Variants in WDR93 observed in about 807,000 individuals in gnomAD.
The protein encoded by WDR93 is WD repeat domain 93.
A neutral mutation model predicts 82.9 loss-of-function variants in WDR93; 73 were observed. The ratio of observed to expected loss-of-function variants is 0.88; its 90% CI spans 0.73 to 1.07. The LOEUF (loss-of-function observed/expected upper bound fraction) is 1.07, where lower values mean the gene tolerates loss of function less well. Ranked by LOEUF, WDR93 falls within the 50% of genes least tolerant of loss-of-function variation. The pLI is 0.00. For synonymous variants in WDR93, 283 were observed against 300.1 expected, an observed-to-expected ratio of 0.94 and a Z score of 0.59; for missense variants, 738 against 826.0, an observed-to-expected ratio of 0.89 and a Z score of 1.31.
At chr15:89,729,141 G>C in intron 10 of WDR93, 48 bp downstream of exon 10, 1 of 1,543,756 alleles carries the variant, frequency 6.5e-7, no homozygotes, top group East Asian at 2.2e-5. Context: ...AGTCACCTTG[G>C]GGAAACCCCT....
Position 89,743,503 on chromosome 15 carries a change from A to G in WDR93, c.*112A>G. 4.9e-6 allele frequency: 5 copies of G among 1,014,276 alleles called. No individual in the cohort carries two copies. The highest frequency in any genetic ancestry group is 7.4e-6 in the Non-Finnish European group (5 of 678,224). The allele number at this position is 1,014,276 out of a possible 1,614,324, so 62.8% of individuals were successfully genotyped here. A position where few individuals can be genotyped will look rare whatever the true frequency, so the allele number is the denominator to read the frequency against. Reference sequence around the variant, plus strand: ...CAGAGCCACAGCTCCACAGGCCTGCACTCGGAGTCTGGGGCCTCTGCAGAG... The same window carrying G: ...CAGAGCCACAGCTCCACAGGCCTGCGCTCGGAGTCTGGGGCCTCTGCAGAG... On this transcript the variant is annotated 3_prime_UTR_variant, in exon 17 of 17. Transcript: ENST00000268130.
At chr15:89,705,871 AATCAGACCAACAT>A (rs1965704274) in intron 4 of WDR93, among the ~76,000 whole-genome samples, 1 of 152,186 alleles carries the variant, frequency 6.6e-6, no homozygotes, top group South Asian at 2.1e-4. Context: ...TTCTTTTGAG[AATCAGACCAACAT>A]ATCTAATAAG....
chr15:89,740,721 C>G (rs571147208), intron 16 of WDR93, among the ~76,000 whole-genome samples: 2 of 152,130 alleles, frequency 1.3e-5, no homozygotes, highest in East Asian at 3.9e-4. Context: ...AGGCTGGTCT[C>G]GAACTACTGA....
chr15:89,738,015 A>T, intron 15 of WDR93, 26 bp from the exon 16 acceptor site: 9 of 1,587,470 alleles, frequency 5.7e-6, no homozygotes, highest in Non-Finnish European at 6.9e-6. Flanking sequence ...TGTTACACAG[A>T]ACATGGTGTT....
intron 1 of WDR93, among the ~76,000 whole-genome samples, chr15:89,692,849 C>A (rs1596057659): frequency 6.6e-6 from 1 of 152,252 alleles, no homozygotes; most frequent in Middle Eastern, 3.4e-3. Flanking sequence ...CTCAGGTGAT[C>A]CACCTACCTC....
At chr15:89,735,583 C>G (rs952985804) in intron 14 of WDR93, 30 bp downstream of exon 14, 1 of 1,600,182 alleles carries the variant, frequency 6.2e-7, no homozygotes, top group African/African-American at 1.3e-5. Context: ...CTGTAAATGC[C>G]CCATGCCTCT....
At chr15:89,703,355 G>A in intron 3 of WDR93, 1 of 580,934 alleles carries the variant, frequency 1.7e-6, no homozygotes, top group South Asian at 2.4e-5. Context: ...GGCAGCCTTA[G>A]GGGGGAAGTA....
At position 89,729,004 on chromosome 15, in the gene WDR93, G is replaced by T. The variant is rs764152626; in HGVS notation, c.1053-19G>T. ...CAGGGAGTCTACATGGCTCTGACTC[G>T]TGTGTCTTTCTTTCCCAGTACGGCC... On this transcript the variant is annotated intron_variant, in intron 9 of 16. Transcript: ENST00000268130. 1.9e-6 allele frequency: 3 copies of T among 1,611,272 alleles called. No homozygotes were observed. The highest frequency in any genetic ancestry group is 2.5e-6 in the Non-Finnish European group (3 of 1,177,406).
Position 89,729,077 on chromosome 15 carries a change from A to T in WDR93, c.1107A>T (p.Glu369Asp), listed in dbSNP as rs1177611790. ...GCTGCCTATTTGCAATGCCACCGGAAGTCAAGGGCCCCTCAGGTAAATGAA... is the reference window on the plus strand; with the variant it reads ...GCTGCCTATTTGCAATGCCACCGGATGTCAAGGGCCCCTCAGGTAAATGAA... ...LPSCLFAMPP[E>D]VKGPSGMACV... Residue 369 changes from glutamate to aspartate, a missense_variant, in exon 10 of 17, where the codon GAA (glutamate) becomes GAT (aspartate). Transcript: ENST00000268130. The T allele has an allele frequency of 6.2e-7, 1 of 1,614,118 alleles. No homozygotes were observed. Among genetic ancestry groups the T allele is most frequent in the South Asian group, 1.1e-5 (1 of 91,084 alleles).
At chr15:89,732,981 C>T (rs371992738) in intron 12 of WDR93, 25 bp from the exon 13 acceptor site, 27 of 1,610,418 alleles carry the variant, frequency 1.7e-5, no homozygotes, top group Non-Finnish European at 2.2e-5. Flanking sequence ...GTTTTCTGAC[C>T]GGCTTGTGTG....
At chr15:89,737,206 C>T (rs974397494) in intron 14 of WDR93, among the ~76,000 whole-genome samples, 1 of 152,150 alleles carries the variant, frequency 6.6e-6, no homozygotes, top group Non-Finnish European at 1.5e-5. Flanking sequence ...TTAGATTGAG[C>T]AAGGTCCCTG....
At position 89,729,703 on chromosome 15, in the gene WDR93, A is replaced by G. The variant is rs926716630; in HGVS notation, c.1144A>G (p.Ile382Val). The G allele has an allele frequency of 2.5e-6, 4 of 1,606,794 alleles. No individual in the cohort carries two copies. Among genetic ancestry groups the G allele is most frequent in the Non-Finnish European group, 3.4e-6 (4 of 1,176,436 alleles). ...ACCAGGAATGGCCTGTGTCCTTGGT[A>G]TACACTGGACCAGAAGTCACAATTT... ...GPSGMACVLGIHWTRSHNFFL... is the reference protein window; with the variant it reads ...GPSGMACVLGVHWTRSHNFFL... Residue 382 changes from isoleucine (I) to valine (V), a missense_variant, in exon 11 of 17, where the codon ATA (isoleucine) becomes GTA (valine). Ile to Val is a conservative substitution (Grantham distance 29). Coordinates refer to ENST00000268130, the MANE Select transcript of WDR93 (RefSeq NM_020212.2).
chr15:89,702,626 G>A (rs530518510), intron 2 of WDR93, among the ~76,000 whole-genome samples: 1 of 150,236 alleles, frequency 6.7e-6, no homozygotes, highest in East Asian at 2.0e-4. Context: ...TGTAACCTCC[G>A]CCTCCCAGGT....
chr15:89,723,467 G>A (rs1300000444), intron 8 of WDR93, among the ~76,000 whole-genome samples: 5 of 151,932 alleles, frequency 3.3e-5, no homozygotes. Flanking sequence ...CCCCGAAAAG[G>A]GAAATGCCAA....
intron 9 of WDR93, among the ~76,000 whole-genome samples, chr15:89,728,496 G>T (rs1031121456): frequency 2.6e-5 from 4 of 152,204 alleles, no homozygotes; most frequent in Non-Finnish European, 5.9e-5. Context: ...AGATTCAGTG[G>T]TATGCTGGGG....
chr15:89,715,208 C>A, intron 6 of WDR93, 113 bp downstream of exon 6: 3 of 815,284 alleles, frequency 3.7e-6, no homozygotes, highest in Non-Finnish European at 5.6e-6. Context: ...TAAGAGAGGA[C>A]AACAGGAATA....
rs748632244 is a variant in WDR93 at position 89,737,584 on chromosome 15, T to C, written c.1620T>C (p.Phe540=). 1 of 1,614,222 alleles carries C rather than the reference T, an allele frequency of 6.2e-7. No homozygotes were observed. Among genetic ancestry groups the C allele is most frequent in the East Asian group, 2.2e-5 (1 of 44,884 alleles). The stretch of plus-strand genomic sequence containing the variant: ...TCTTTGCTTCCCAGGTGCTCATCTT[T>C]TCCAAGAATGGCTCTGTGTGCCTTA... ...VPALPGMVLI[F]SKNGSVCLMD... is the part of the protein sequence containing the mutation. The change falls in exon 15 of 17, where the codon TTT becomes TTC. Residue 540 remains phenylalanine, a synonymous_variant. Coordinates refer to ENST00000268130, the MANE Select transcript of WDR93 (RefSeq NM_020212.2).
At chr15:89,734,570 C>G (rs916132188) in intron 13 of WDR93, among the ~76,000 whole-genome samples, 5 of 152,196 alleles carry the variant, frequency 3.3e-5, no homozygotes, top group African/African-American at 4.8e-5. Context: ...TGCCCACATT[C>G]AAGCAGTAGA....
At chr15:89,692,174 A>G (rs1186703037) in intron 1 of WDR93, among the ~76,000 whole-genome samples, 1 of 152,144 alleles carries the variant, frequency 6.6e-6, no homozygotes, top group Non-Finnish European at 1.5e-5. Context: ...ACCTTTTCAG[A>G]TCGAGGAGTG....
Sources: allele counts gnomAD v4.1 joint callset (sites outside exome capture counted in the v4.1 genomes callset), GRCh38; gene constraint gnomAD v4.1.1; transcripts MANE v1.5; gene names NCBI Gene and HGNC (gene_info 2026-07-23, HGNC 2026-07-21).